The following MACROD2 variants were observed in gnomAD, a reference collection of about 807,000 sequenced individuals.
MACROD2 encodes the protein mono-ADP ribosylhydrolase 2, also known as ADP-ribose glycohydrolase MACROD2.
Under a neutral mutation model 70.4 loss-of-function variants are expected in MACROD2, and 36 were observed. The ratio of observed to expected loss-of-function variants is 0.51; its 90% CI spans 0.39 to 0.68. The LOEUF is 0.68. Ranked by LOEUF, MACROD2 falls within the 30% of genes least tolerant of loss-of-function variation. The pLI is 0.00. For missense variants in MACROD2, 496 were observed against 538.4 expected (o/e 0.92, Z 0.78); for synonymous variants, 172 against 178.8 (o/e 0.96, Z 0.30).
At chr20:15,357,109 G>C (rs938890480) in intron 6 of MACROD2, among the ~76,000 whole-genome samples, 2 of 151,058 alleles carry the variant, frequency 1.3e-5, no homozygotes, top group East Asian at 3.9e-4. Context: ...TCATCAAAGA[G>C]TAAAAAAAAA....
intron 8 of MACROD2, among the ~76,000 whole-genome samples, chr20:15,510,477 A>T (rs2047484344): frequency 6.6e-6 from 1 of 152,130 alleles, no homozygotes; most frequent in Non-Finnish European, 1.5e-5. Flanking sequence ...CAAAAAAGGC[A>T]TTTCCCCTTT....
intron 4 of MACROD2, among the ~76,000 whole-genome samples, chr20:14,591,448 C>T (rs1981764423): frequency 6.6e-6 from 1 of 152,142 alleles, no homozygotes. Flanking sequence ...GTAAATATAT[C>T]TCATAGCACA....
intron 15 of MACROD2, among the ~76,000 whole-genome samples, chr20:16,000,524 T>C (rs1376310290): frequency 6.6e-6 from 1 of 152,224 alleles, no homozygotes; most frequent in East Asian, 1.9e-4. Flanking sequence ...TTACCTTACT[T>C]TGACTTGGCT....
chr20:15,796,414 T>C (rs1402207656), intron 8 of MACROD2, among the ~76,000 whole-genome samples: 1 of 152,248 alleles, frequency 6.6e-6, no homozygotes, highest in Non-Finnish European at 1.5e-5. Context: ...CCTCTTGATG[T>C]ACACATTTGT....
chr20:16,042,227 T>C (rs2067316904), intron 16 of MACROD2, among the ~76,000 whole-genome samples: 1 of 152,046 alleles, frequency 6.6e-6, no homozygotes, highest in Admixed American at 6.6e-5. Context: ...CCAAATTGGC[T>C]TTTTACTCAT....
intron 8 of MACROD2, among the ~76,000 whole-genome samples, chr20:15,533,182 AT>A (rs2047827231): frequency 1.3e-5 from 2 of 152,236 alleles, no homozygotes; most frequent in Non-Finnish European, 2.9e-5. Flanking sequence ...TGCCCTTTAA[AT>A]AAAGTCAGCA....
chr20:14,458,346 T>A (rs185102845), intron 3 of MACROD2, among the ~76,000 whole-genome samples: 155 of 152,238 alleles, frequency 1.0e-3, no homozygotes, highest in African/African-American at 3.5e-3. Flanking sequence ...ACTTTAAAAA[T>A]TATGGATCAT....
intron 3 of MACROD2, among the ~76,000 whole-genome samples, chr20:14,450,339 A>G (rs776919440): frequency 6.6e-6 from 1 of 152,144 alleles, no homozygotes; most frequent in Non-Finnish European, 1.5e-5. Context: ...TGTGTAAATG[A>G]CACCATTTTA....
At chr20:14,271,538 T>TG (rs927119916) in intron 3 of MACROD2, among the ~76,000 whole-genome samples, 73 of 148,196 alleles carry the variant, frequency 4.9e-4, no homozygotes, top group African/African-American at 1.7e-3. Context: ...ACCACAAAGA[T>TG]GGGGAAAAAA....
At chr20:14,635,096 A>T (rs1269703945) in intron 4 of MACROD2, among the ~76,000 whole-genome samples, 1 of 152,224 alleles carries the variant, frequency 6.6e-6, no homozygotes, top group South Asian at 2.1e-4. Flanking sequence ...CGGTGTCCCT[A>T]TAGTTGTCAG....
At chr20:16,021,949 C>T (rs1382095427) in intron 15 of MACROD2, among the ~76,000 whole-genome samples, 3 of 151,704 alleles carry the variant, frequency 2.0e-5, no homozygotes, top group African/African-American at 7.3e-5. Context: ...GAATAAAGTG[C>T]TTTTCCAGAA....
chr20:15,084,084 T>A (rs1202157496), intron 5 of MACROD2, among the ~76,000 whole-genome samples: 1 of 123,376 alleles, frequency 8.1e-6, no homozygotes, highest in Admixed American at 8.0e-5. Flanking sequence ...TTTTTTTTTT[T>A]AATGAAGTTT....
chr20:15,609,302 C>G (rs990846529), intron 8 of MACROD2, among the ~76,000 whole-genome samples: 2 of 152,158 alleles, frequency 1.3e-5, no homozygotes, highest in African/African-American at 4.8e-5. Flanking sequence ...TCTTTGTTTT[C>G]TGAAATGAGA....
chr20:14,646,087 T>C (rs1048959027), intron 4 of MACROD2, among the ~76,000 whole-genome samples: 25 of 149,532 alleles, frequency 1.7e-4, no homozygotes, highest in African/African-American at 6.1e-4. Flanking sequence ...TTATAAGAAA[T>C]AACTTGGAAA....
intron 5 of MACROD2, among the ~76,000 whole-genome samples, chr20:15,095,672 C>T (rs1440097547): frequency 2.0e-5 from 3 of 151,960 alleles, no homozygotes; most frequent in Non-Finnish European, 4.4e-5. Context: ...CATCTGCCAC[C>T]ACGCCTGGCT....
At position 14,326,125 on chromosome 20, in the gene MACROD2, C is replaced by A; in HGVS notation, c.272-167354C>A. On this transcript the variant is annotated intron_variant, in intron 3 of 17. Coordinates refer to ENST00000684519, the MANE Select transcript of MACROD2 (RefSeq NM_001351661.2). This position sits in a 1 kb window ranked among gnomAD's most constrained non-coding sequence, Gnocchi z 5.5. ...CAGGGCTGTGACCAAGTACTCACTGCGTTCCCCTGTTACAATTGTTTCTGT... is the reference window on the plus strand; with the variant it reads ...CAGGGCTGTGACCAAGTACTCACTGAGTTCCCCTGTTACAATTGTTTCTGT... 1 of 1,613,822 alleles carries A rather than the reference C, an allele frequency of 6.2e-7. No homozygotes were observed. Among genetic ancestry groups the A allele is most frequent in the Non-Finnish European group, 8.5e-7 (1 of 1,179,848 alleles).
intron 8 of MACROD2, among the ~76,000 whole-genome samples, chr20:15,674,095 G>A (rs2050021854): frequency 6.6e-6 from 1 of 151,470 alleles, no homozygotes; most frequent in Admixed American, 6.7e-5. Flanking sequence ...TTTGGTGTTG[G>A]GGTGGTGGTT....
rs532914569 is a variant in MACROD2 at position 14,382,036 on chromosome 20, A to G, written c.272-111443A>G. Among the ~76,000 whole-genome samples, 5 of 151,030 alleles carry G rather than the reference A, an allele frequency of 3.3e-5. No homozygotes were observed. In the South Asian group the frequency reaches 1.1e-3, roughly 32 times the overall value. ...AGGATATTGCTTTGTTTGTTTTGGT[A>G]CCACATATACTATAATGGGATTGAT... On this transcript the variant is annotated intron_variant, in intron 3 of 17. Transcript: ENST00000684519.
chr20:15,631,400 AATG>A (rs984252547), intron 8 of MACROD2, among the ~76,000 whole-genome samples: 1 of 151,050 alleles, frequency 6.6e-6, no homozygotes, highest in African/African-American at 2.5e-5. Flanking sequence ...ACCATTATCA[AATG>A]ATGATTTTTT....
Sources: gnomAD v4.1 joint callset for allele counts (sites outside exome capture counted in the v4.1 genomes callset) on GRCh38, gnomAD v4.1.1 for gene constraint, Gnocchi (gnomAD v3.1) non-coding constraint, MANE v1.5 for transcripts, NCBI Gene and HGNC (gene_info 2026-07-23, HGNC 2026-07-21) for gene names.